Variants in CD69 observed in about 807,000 individuals in gnomAD.
CD69 encodes CD69 molecule, also known as early activation antigen CD69.
A neutral mutation model predicts 21.4 loss-of-function variants in CD69; 10 were observed. The ratio of observed to expected loss-of-function variants is 0.47; its 90% CI spans 0.29 to 0.79. The LOEUF (loss-of-function observed/expected upper bound fraction) is 0.79. CD69 is among the 30% of genes least tolerant of loss of function. The pLI is 0.09. For missense variants in CD69, 204 were observed against 236.9 expected (o/e 0.86, Z 0.91); for synonymous variants, 63 against 78.2 (o/e 0.81, Z 1.03).
In CD69 at chr12:9,753,381, A is replaced by C. The variant is rs1440412607; in HGVS notation, c.*100T>G. 1.1e-5 allele frequency: 5 copies of C among 475,896 alleles called. No individual in the cohort carries two copies. The highest frequency in any genetic ancestry group is 1.9e-5 in the Non-Finnish European group (5 of 265,716). 29.5% of individuals were successfully genotyped at this position (475,896 alleles called of 1,614,324 possible). The stretch of plus-strand genomic sequence containing the variant: ...AGACACTATAAAATTTTTTTTCACA[A>C]AGTCTCTATGGAAGACTTCGGACCA... On this transcript the variant is annotated 3_prime_UTR_variant, in exon 5 of 5. Transcript: ENST00000228434.
chr12:9,760,642 T>C (rs1455086985), intron 1 of CD69, 115 bp downstream of exon 1: 2 of 743,602 alleles, frequency 2.7e-6, no homozygotes, highest in Non-Finnish European at 4.5e-6. Context: ...TAGCAGTATA[T>C]TTCTCTAAGA....
chr12:9,759,860 A>G (rs1286073262), intron 1 of CD69, among the ~76,000 whole-genome samples: 4 of 152,220 alleles, frequency 2.6e-5, no homozygotes, highest in Non-Finnish European at 4.4e-5. Context: ...TTACAGAAGT[A>G]AGGTATAGAA....
At chr12:9,757,559 G>A (rs1591728392) in intron 1 of CD69, among the ~76,000 whole-genome samples, 1 of 152,034 alleles carries the variant, frequency 6.6e-6, no homozygotes, top group South Asian at 2.1e-4. Flanking sequence ...ATCCATACAA[G>A]GGAATTCCGC....
chr12:9,752,559 A>G lies in CD69; in HGVS notation c.*922T>C, dbSNP rs987424932. Reference sequence around the variant, plus strand: ...TGTACTGAACACAAAATACAAACAAATACATTTTATTGCACATAAAAATAT... The same window carrying G: ...TGTACTGAACACAAAATACAAACAAGTACATTTTATTGCACATAAAAATAT... On this transcript the variant is annotated 3_prime_UTR_variant, in exon 5 of 5. Transcript: ENST00000228434. 6.6e-6 allele frequency: 1 copy of G among 152,634 alleles called. No individual in the cohort carries two copies. Among genetic ancestry groups the G allele is most frequent in the Admixed American group, 6.5e-5 (1 of 15,290 alleles). The allele number at this position is 152,634 out of a possible 1,614,324, so 9.5% of individuals were successfully genotyped here.
chr12:9,753,263 T>C lies in CD69; in HGVS notation c.*218A>G, dbSNP rs745486893. On this transcript the variant is annotated 3_prime_UTR_variant, in exon 5 of 5. Transcript: ENST00000228434. The stretch of plus-strand genomic sequence containing the variant: ...GGCATGGTTATTGGTCAACCTGTGA[T>C]GCTTCTAGCTCATGGCAATAAAAGC... 6.0e-6 allele frequency: 2 copies of C among 332,454 alleles called. No individual in the cohort carries two copies. The highest frequency in any genetic ancestry group is 1.8e-4 in the South Asian group (2 of 10,910). 20.6% of individuals were successfully genotyped at this position (332,454 alleles called of 1,614,324 possible).
Position 9,756,386 on chromosome 12 carries a change from T to C in CD69, c.98A>G (p.His33Arg), listed in dbSNP as rs756777661. 3.7e-6 allele frequency: 6 copies of C among 1,613,814 alleles called. No homozygotes were observed. In the Admixed American group the frequency reaches 1.0e-4, roughly 27 times the overall value. Residue 33 changes from histidine (H) to arginine (R), a missense_variant, in exon 2 of 5, where the codon CAT becomes CGT. Physicochemically the swap from His to Arg is conservative, Grantham distance 29. Coordinates refer to ENST00000228434, the MANE Select transcript of CD69 (RefSeq NM_001781.2). ...DATSPHFSTR[H>R]EGSFQVPVLC... is the part of the protein sequence containing the mutation. ...GACAGGAACTTGGAAGGACCCTTCATGACGTGTTGAGAAATGGGGACTGGT... is the reference window on the plus strand; with the variant it reads ...GACAGGAACTTGGAAGGACCCTTCACGACGTGTTGAGAAATGGGGACTGGT...
At chr12:9,758,546 C>T (rs1335328631) in intron 1 of CD69, among the ~76,000 whole-genome samples, 1 of 152,050 alleles carries the variant, frequency 6.6e-6, no homozygotes, top group Non-Finnish European at 1.5e-5. Flanking sequence ...TCAACTTTTG[C>T]TTTATCTGGA....
At chr12:9,757,269 G>C (rs1344334501) in intron 1 of CD69, among the ~76,000 whole-genome samples, 3 of 152,066 alleles carry the variant, frequency 2.0e-5, no homozygotes, top group Non-Finnish European at 4.4e-5. Flanking sequence ...GTATTTTTTG[G>C]TGAAGTTGCT....
At chr12:9,755,377 G>A in intron 2 of CD69, 116 bp from the exon 3 acceptor site, 3 of 807,182 alleles carry the variant, frequency 3.7e-6, no homozygotes, top group Non-Finnish European at 4.1e-6. Flanking sequence ...AAGGATAAAA[G>A]CTAAAAAGTA....
intron 1 of CD69, among the ~76,000 whole-genome samples, chr12:9,760,317 A>G (rs1315751037): frequency 6.6e-6 from 1 of 152,204 alleles, no homozygotes; most frequent in East Asian, 1.9e-4. Flanking sequence ...GGAAAACAGA[A>G]TTTTTCATAA....
intron 1 of CD69, among the ~76,000 whole-genome samples, chr12:9,758,598 G>A (rs1045100725): frequency 6.6e-6 from 1 of 152,130 alleles, no homozygotes; most frequent in African/African-American, 2.4e-5. Flanking sequence ...GATTTTGCAA[G>A]AGAAGCCTTT....
intron 1 of CD69, 82 bp downstream of exon 1, chr12:9,760,674 AT>A: frequency 1.1e-6 from 1 of 948,136 alleles, no homozygotes; most frequent in Non-Finnish European, 1.7e-6. Flanking sequence ...ATATAGAGAG[AT>A]TACCAGTATA....
chr12:9,757,853 A>G (rs61163981), intron 1 of CD69, among the ~76,000 whole-genome samples: 11 of 152,208 alleles, frequency 7.2e-5, no homozygotes, highest in Non-Finnish European at 1.6e-4. Context: ...TACCACTGTC[A>G]TAAGTCGTTA....
intron 1 of CD69, among the ~76,000 whole-genome samples, chr12:9,760,423 A>G (rs1372869698): frequency 1.3e-5 from 2 of 152,182 alleles, no homozygotes; most frequent in African/African-American, 2.4e-5. Context: ...ATTAAATCTA[A>G]ACACTGAGAT....
chr12:9,754,741 G>A (rs767252237), intron 3 of CD69, 51 bp from the exon 4 acceptor site: 16 of 1,134,670 alleles, frequency 1.4e-5, no homozygotes, highest in Non-Finnish European at 2.2e-5. Context: ...TTCTGGGGAA[G>A]TAGATAGTAA....
intron 1 of CD69, 123 bp downstream of exon 1, chr12:9,760,634 G>C (rs1476695929): frequency 2.5e-5 from 17 of 691,422 alleles, no homozygotes; most frequent in Non-Finnish European, 4.2e-5. Context: ...ATAGAGATTA[G>C]CAGTATATTT....
chr12:9,756,123 A>G, intron 2 of CD69, 174 bp downstream of exon 2: 1 of 419,264 alleles, frequency 2.4e-6, no homozygotes, highest in Non-Finnish European at 4.2e-6. Flanking sequence ...TTAATTATTC[A>G]AGGATTGTGG....
At chr12:9,757,615 G>A (rs1866689860) in intron 1 of CD69, among the ~76,000 whole-genome samples, 1 of 151,728 alleles carries the variant, frequency 6.6e-6, no homozygotes, top group Admixed American at 6.6e-5. Context: ...CAAAATGAAG[G>A]AATCTCCAAA....
At chr12:9,756,513 T>G (rs752718530) in intron 1 of CD69, 94 bp from the exon 2 acceptor site, 6 of 1,010,104 alleles carry the variant, frequency 5.9e-6, no homozygotes, top group Admixed American at 2.9e-5. Context: ...ACTTAATATT[T>G]CCTATCTCAT....
Sources: gnomAD v4.1 joint callset for allele counts (sites outside exome capture counted in the v4.1 genomes callset) on GRCh38, gnomAD v4.1.1 for gene constraint, MANE v1.5 for transcripts, NCBI Gene and HGNC (gene_info 2026-07-23, HGNC 2026-07-21) for gene names.